DCP1A: variants seen among roughly 807,000 people sequenced by gnomAD.
DCP1A encodes mRNA-decapping enzyme 1A.
DCP1A carries 20 observed loss-of-function variants against 58.0 expected under a neutral mutation model. The ratio of observed to expected loss-of-function variants is 0.34; its 90% CI spans 0.24 to 0.50. The LOEUF is 0.50. DCP1A is among the 20% of genes least tolerant of loss of function. The pLI, the probability that DCP1A is intolerant of heterozygous loss-of-function variation, is 0.98. For missense variants in DCP1A, 613 were observed against 712.2 expected (o/e 0.86, Z 1.59); for synonymous variants, 285 against 275.1 (o/e 1.04, Z -0.36).
At chr3:53,301,210 T>C (rs1553687364) in intron 6 of DCP1A, among the ~76,000 whole-genome samples, 1 of 152,178 alleles carries the variant, frequency 6.6e-6, no homozygotes. Context: ...AAAAACATTT[T>C]TGGATACATT....
In DCP1A at chr3:53,284,529, T is replaced by C. The variant is rs1706554585; in HGVS notation, c.*3051A>G. ...TGTAGAGAGGGGCCCAGCGTGACTT[T>C]TTTTTTTTTTTTTTTTTTTTTTTTT... On this transcript the variant is annotated 3_prime_UTR_variant, in exon 10 of 10. Transcript: ENST00000610213. The C allele has an allele frequency of 2.0e-4, 5 of 24,994 alleles. No homozygotes were observed. The highest frequency in any genetic ancestry group is 6.5e-4 in the African/African-American group (3 of 4,646). The allele number at this position is 24,994 out of a possible 1,614,324, so 1.5% of individuals were successfully genotyped here.
intron 9 of DCP1A, 127 bp downstream of exon 9, chr3:53,287,938 A>T: frequency 1.1e-6 from 1 of 947,222 alleles, no homozygotes; most frequent in Non-Finnish European, 1.5e-6. Context: ...TACAGGTGTG[A>T]GCCACTTTGC....
In DCP1A at chr3:53,299,389, G is replaced by A. The variant is rs1559684994; in HGVS notation, c.624+4788C>T. 2.6e-5 allele frequency among the ~76,000 whole-genome samples: 4 copies of A among 152,182 alleles called. 1 individual carries two copies. In the South Asian group the frequency reaches 8.3e-4, roughly 31 times the overall value. ...TTTTAATACTTCATGTAGATCAAGT[G>A]TTAGTCTGACCGTTTAGCTCAGGAA... On this transcript the variant is annotated intron_variant, in intron 6 of 9. Transcript: ENST00000610213.
chr3:53,313,279 C>T (rs990648746), intron 4 of DCP1A, among the ~76,000 whole-genome samples: 9 of 152,022 alleles, frequency 5.9e-5, no homozygotes, highest in Non-Finnish European at 8.8e-5. Context: ...ATTAGCTGGG[C>T]GTAGTGGTAC....
intron 4 of DCP1A, among the ~76,000 whole-genome samples, chr3:53,318,882 CTT>C (rs1483323768): frequency 8.4e-4 from 128 of 152,230 alleles, no homozygotes; most frequent in African/African-American, 2.9e-3. Context: ...TATGGTATCA[CTT>C]GTTACAGTGG....
chr3:53,339,973 T>A (rs1042618691), intron 3 of DCP1A, among the ~76,000 whole-genome samples: 14 of 152,194 alleles, frequency 9.2e-5, no homozygotes, highest in African/African-American at 3.4e-4. Flanking sequence ...CAGGCTGGAG[T>A]GCAGTGGCGC....
At chr3:53,315,757 GTTTT>G (rs1359300693) in intron 4 of DCP1A, among the ~76,000 whole-genome samples, 2 of 109,848 alleles carry the variant, frequency 1.8e-5, no homozygotes, top group South Asian at 3.1e-4. Context: ...TTTTTTTTTT[GTTTT>G]TTTTTTTTTT....
intron 3 of DCP1A, among the ~76,000 whole-genome samples, chr3:53,337,653 T>C (rs1247828665): frequency 1.3e-5 from 2 of 152,196 alleles, no homozygotes; most frequent in Non-Finnish European, 2.9e-5. Context: ...TCTGCAGCTT[T>C]TGTATCTAGA....
At chr3:53,328,981 A>G (rs1260088566) in intron 3 of DCP1A, 1 of 170,396 alleles carries the variant, frequency 5.9e-6, no homozygotes, top group Non-Finnish European at 1.2e-5. Flanking sequence ...CTTCAGGCTA[A>G]GAAAGAAGTA....
intron 8 of DCP1A, among the ~76,000 whole-genome samples, chr3:53,289,832 CTT>C (rs76204312): frequency 0.16 from 23,816 of 152,108 alleles, 1,927 homozygotes; most frequent in Non-Finnish European, 0.18. Flanking sequence ...ATCTGCATTT[CTT>C]TCTCTTATAT....
At chr3:53,291,268 A>C (rs1706861284) in intron 7 of DCP1A, among the ~76,000 whole-genome samples, 1 of 115,756 alleles carries the variant, frequency 8.6e-6, no homozygotes. Context: ...CATGCGATGC[A>C]TAATAATCAC....
chr3:53,307,196 G>A (rs1553688164), intron 5 of DCP1A, among the ~76,000 whole-genome samples: 2 of 151,902 alleles, frequency 1.3e-5, no homozygotes, highest in East Asian at 1.9e-4. Context: ...CAATCCACCC[G>A]CTTCAGCCTT....
chr3:53,326,240 T>C (rs1372126559), intron 3 of DCP1A, among the ~76,000 whole-genome samples: 2 of 152,216 alleles, frequency 1.3e-5, no homozygotes, highest in African/African-American at 2.4e-5. Context: ...GAAATGACCA[T>C]TGAACTTCTT....
intron 4 of DCP1A, among the ~76,000 whole-genome samples, chr3:53,314,782 G>A (rs11706608): frequency 6.9e-6 from 1 of 144,902 alleles, no homozygotes; most frequent in African/African-American, 2.6e-5. Context: ...AGCGATTCTC[G>A]TGCCTCAGCC....
At chr3:53,330,311 C>T (rs534105664) in intron 3 of DCP1A, among the ~76,000 whole-genome samples, 142 of 152,134 alleles carry the variant, frequency 9.3e-4, no homozygotes, top group African/African-American at 3.2e-3. Context: ...GTGGGAAGAT[C>T]GCTTGAGGCC....
intron 8 of DCP1A, among the ~76,000 whole-genome samples, chr3:53,290,453 C>T (rs1385761394): frequency 2.6e-5 from 4 of 152,050 alleles, no homozygotes; most frequent in Non-Finnish European, 5.9e-5. Flanking sequence ...TCCATGCAGA[C>T]GCCTCGAGAT....
intron 8 of DCP1A, among the ~76,000 whole-genome samples, chr3:53,290,183 G>C (rs1356130840): frequency 1.3e-5 from 2 of 152,194 alleles, no homozygotes; most frequent in Non-Finnish European, 2.9e-5. Context: ...GTGGGTGATG[G>C]AGAGTAGGGA....
In DCP1A at chr3:53,285,502, C is replaced by T. The variant is rs1179095302; in HGVS notation, c.*2078G>A. On this transcript the variant is annotated 3_prime_UTR_variant, in exon 10 of 10. Transcript: ENST00000610213. ...GGAGGTGAAACAGGTTTACCCTTTT[C>T]AAGTCTCCATGACTTGGGCACTTAA... 1 of 152,156 alleles carries T rather than the reference C, an allele frequency of 6.6e-6. No individual in the cohort carries two copies. Among genetic ancestry groups the T allele is most frequent in the Non-Finnish European group, 1.5e-5 (1 of 68,022 alleles). 9.4% of individuals were successfully genotyped at this position (152,156 alleles called of 1,614,324 possible).
Position 53,292,453 on chromosome 3 carries a change from G to A in DCP1A, c.999C>T (p.Pro333=), listed in dbSNP as rs375827844. The A allele has an allele frequency of 6.2e-6, 10 of 1,613,852 alleles. No homozygotes were observed. Among genetic ancestry groups the A allele is most frequent in the Middle Eastern group, 1.6e-4 (1 of 6,084 alleles). The part of the protein sequence containing the change: ...PAEAPTAQVP[P]SLPRNSTMMQ... Reference sequence around the variant, plus strand: ...TCATGGTGCTGTTTCGAGGTAAGCTGGGGGGAACCTGTGCAGTAGGAGCTT... The same window carrying A: ...TCATGGTGCTGTTTCGAGGTAAGCTAGGGGGAACCTGTGCAGTAGGAGCTT... The change falls in exon 7 of 10, where the codon CCC becomes CCT. Residue 333 remains proline (P), a synonymous_variant. Transcript: ENST00000610213.
Sources: gnomAD v4.1 joint callset for allele counts (sites outside exome capture counted in the v4.1 genomes callset) on GRCh38, gnomAD v4.1.1 for gene constraint, MANE v1.5 for transcripts, NCBI Gene and HGNC (gene_info 2026-07-23, HGNC 2026-07-21) for gene names.